The following CYLD variants were observed in gnomAD, a reference collection of about 807,000 sequenced individuals.
CYLD encodes the protein CYLD lysine 63 deubiquitinase, also known as ubiquitin carboxyl-terminal hydrolase CYLD.
A neutral mutation model predicts 104.5 loss-of-function variants in CYLD; 26 were observed. The ratio of observed to expected loss-of-function variants is 0.25; its 90% confidence interval spans 0.18 to 0.35. The LOEUF (loss-of-function observed/expected upper bound fraction) is 0.35, where lower values mean the gene tolerates loss of function less well. Among genes scored for constraint, CYLD ranks in the 10% least tolerant of loss-of-function variants. CYLD has a pLI of 1.00. For synonymous variants in CYLD, 385 were observed against 399.9 expected, an observed-to-expected ratio of 0.96 and a Z score of 0.45; for missense variants, 703 against 1,136.1, an observed-to-expected ratio of 0.62 and a Z score of 5.48.
In CYLD at chr16:50,797,849, T is replaced by G. The variant is rs140767609; in HGVS notation, c.*1341T>G. Reference sequence around the variant, plus strand: ...TTTAAAGGCACTTTTACTCTTTGGTTTTATCATTCCATTTTGCTAATATTT... The same window carrying G: ...TTTAAAGGCACTTTTACTCTTTGGTGTTATCATTCCATTTTGCTAATATTT... On this transcript the variant is annotated 3_prime_UTR_variant, in exon 19 of 19. Transcript: ENST00000427738. 6.3e-3 allele frequency: 1,457 copies of G among 232,676 alleles called. 38 individuals carry two copies. Among genetic ancestry groups the G allele is most frequent in the East Asian group, 0.041 (679 of 16,484 alleles). 14.4% of individuals were successfully genotyped at this position (232,676 alleles called of 1,614,324 possible).
chr16:50,779,221 A>C (rs1306765954), intron 8 of CYLD, among the ~76,000 whole-genome samples: 1 of 152,082 alleles, frequency 6.6e-6, no homozygotes, highest in African/African-American at 2.4e-5. Context: ...TTCCCTTATA[A>C]GTATTAATTT....
chr16:50,759,826 A>G (rs1157030161), intron 5 of CYLD, among the ~76,000 whole-genome samples: 1 of 152,236 alleles, frequency 6.6e-6, no homozygotes, highest in African/African-American at 2.4e-5. Context: ...GATTACAAGT[A>G]GGATTGAACA....
rs1449388332 is a variant in CYLD, at chr16:50,787,837, C to T, written c.2093C>T (p.Pro698Leu). 1 of 1,532,562 alleles carries T rather than the reference C, an allele frequency of 6.5e-7. No homozygotes were observed. Among genetic ancestry groups the T allele is most frequent in the Non-Finnish European group, 9.0e-7 (1 of 1,109,500 alleles). The allele number at this position is 1,532,562 out of a possible 1,614,324, so 94.9% of individuals were successfully genotyped here. The change falls in exon 14 of 19, where the codon CCT (proline) becomes CTT (leucine). Residue 698 changes from proline to leucine, a missense_variant. Around this residue, in one of 5 missense-constraint regions of CYLD, gnomAD observed 125 missense variants for 325.4 expected, o/e 0.38. Coordinates refer to ENST00000427738, the MANE Select transcript of CYLD (RefSeq NM_001378743.1). ...TTTCATCATATTTTAAGGGTAGAAC[C>T]TTTGCTAAAAATAAGGTAACCTTTA... ...ILFHHILRVEPLLKIRSAGQK... is the reference protein window; with the variant it reads ...ILFHHILRVELLLKIRSAGQK...
intron 2 of CYLD, among the ~76,000 whole-genome samples, chr16:50,743,466 A>G (rs1293056979): frequency 6.6e-6 from 1 of 152,234 alleles, no homozygotes; most frequent in Non-Finnish European, 1.5e-5. Context: ...ATTCTTGCAA[A>G]TAAACCTTCC....
At chr16:50,777,629 A>C (rs558558376) in intron 7 of CYLD, among the ~76,000 whole-genome samples, 196 bp from the exon 8 acceptor site, 10 of 152,220 alleles carry the variant, frequency 6.6e-5, no homozygotes, top group South Asian at 6.2e-4. Context: ...GGGCTGAAAA[A>C]TATTTTTAAT....
chr16:50,787,326 A>G lies in CYLD; in HGVS notation c.2041+380A>G, dbSNP rs184476084. On this transcript the variant is annotated intron_variant, in intron 13 of 18. Coordinates refer to ENST00000427738, the MANE Select transcript of CYLD (RefSeq NM_001378743.1). ...AAAGGGAGTTAGAAAGCTGCTAACT[A>G]GGATTAAGTTTATAGTCAGGGAACA... is the stretch of plus-strand genomic sequence containing the variant. 8.3e-4 allele frequency: 242 copies of G among 292,304 alleles called. 4 individuals are homozygous for G. The Admixed American group carries it at 0.012, about 14-fold the overall frequency. The allele number at this position is 292,304 out of a possible 1,614,324, so 18.1% of individuals were successfully genotyped here. A position where few individuals can be genotyped will look rare whatever the true frequency, so the allele number is the denominator to read the frequency against.
At chr16:50,759,562 A>C (rs1251139722) in intron 5 of CYLD, among the ~76,000 whole-genome samples, 1 of 152,212 alleles carries the variant, frequency 6.6e-6, no homozygotes, top group Non-Finnish European at 1.5e-5. Context: ...AATTACTTGC[A>C]TCATTTACTT....
chr16:50,784,195 T>C, intron 11 of CYLD, 134 bp from the exon 12 acceptor site: 1 of 938,924 alleles, frequency 1.1e-6, no homozygotes, highest in Non-Finnish European at 1.6e-6. Flanking sequence ...GGTACCTGTG[T>C]TAATGAAAAA....
chr16:50,748,249 T>G (rs1966358664), intron 2 of CYLD, among the ~76,000 whole-genome samples: 2 of 152,214 alleles, frequency 1.3e-5, no homozygotes, highest in Admixed American at 6.5e-5. Flanking sequence ...TAGGAAGTAT[T>G]GTTTTCAGCA....
At chr16:50,743,355 A>T (rs1965885424) in intron 2 of CYLD, among the ~76,000 whole-genome samples, 1 of 152,156 alleles carries the variant, frequency 6.6e-6, no homozygotes, top group African/African-American at 2.4e-5. Flanking sequence ...CAGTAGGTGG[A>T]TTTGAACTAG....
chr16:50,747,955 C>T (rs570315144), intron 2 of CYLD, among the ~76,000 whole-genome samples: 4 of 152,272 alleles, frequency 2.6e-5, no homozygotes, highest in South Asian at 4.1e-4. Flanking sequence ...CTTTTAGGAA[C>T]GTTACCATTA....
At chr16:50,761,579 T>G (rs1197373859) in intron 5 of CYLD, among the ~76,000 whole-genome samples, 1 of 152,198 alleles carries the variant, frequency 6.6e-6, no homozygotes, top group Non-Finnish European at 1.5e-5. Flanking sequence ...TTTCACTTGG[T>G]GTGATGTTTT....
Position 50,769,787 on chromosome 16 carries a change from G to A in CYLD, c.914-5379G>A, listed in dbSNP as rs924759275. Among the ~76,000 whole-genome samples the A allele has an allele frequency of 3.6e-4, 54 of 152,054 alleles. 1 individual carries two copies. Among genetic ancestry groups the A allele is most frequent in the African/African-American group, 1.1e-3 (46 of 41,412 alleles). ...TCTCTTATCTTGCCCTTTTACTGCC[G>A]CACAAATTCCCTCTTCCTCCTGCCC... On this transcript the variant is annotated intron_variant, in intron 5 of 18. Transcript: ENST00000427738.
At chr16:50,764,050 T>C (rs1378205639) in intron 5 of CYLD, among the ~76,000 whole-genome samples, 1 of 152,188 alleles carries the variant, frequency 6.6e-6, no homozygotes, top group East Asian at 1.9e-4. Context: ...CTTACATCCA[T>C]GATGTAAACC....
At chr16:50,787,543 T>A (rs776722395) in intron 13 of CYLD, 19 of 446,318 alleles carry the variant, frequency 4.3e-5, no homozygotes, top group Non-Finnish European at 7.7e-5. Context: ...ATGTGCAATG[T>A]GTTACACCCT....
chr16:50,787,041 T>G (rs1386523428), intron 13 of CYLD, 95 bp downstream of exon 13: 4 of 1,072,968 alleles, frequency 3.7e-6, no homozygotes, highest in Admixed American at 1.8e-5. Context: ...AGTTGGGGGG[T>G]TTTCTTTTAA....
intron 16 of CYLD, 108 bp from the exon 17 acceptor site, chr16:50,793,438 C>G: frequency 2.4e-6 from 2 of 819,222 alleles, no homozygotes; most frequent in Non-Finnish European, 4.4e-6. Context: ...TTTTTGAAGC[C>G]ATGAACATTG....
chr16:50,754,528 A>ATT, intron 5 of CYLD, 104 bp downstream of exon 5: 2 of 777,016 alleles, frequency 2.6e-6, no homozygotes, highest in Non-Finnish European at 2.2e-6. Flanking sequence ...GTTTGGTTAC[A>ATT]TGGATAAGTT....
intron 18 of CYLD, chr16:50,795,811 G>A: frequency 1.8e-6 from 1 of 554,818 alleles, no homozygotes; most frequent in Non-Finnish European, 3.2e-6. Flanking sequence ...AGCCTTTCCT[G>A]GAATCTCTGA....
Sources: gnomAD v4.1 joint callset for allele counts (sites outside exome capture counted in the v4.1 genomes callset) on GRCh38, gnomAD v4.1.1 for gene constraint, gnomAD v4.1.1 regional missense constraint, MANE v1.5 for transcripts, NCBI Gene and HGNC (gene_info 2026-07-23, HGNC 2026-07-21) for gene names.